Variants in NCEH1 observed in about 807,000 individuals in gnomAD.
NCEH1 encodes 2-acetyl MAGE hydrolase.
Under a neutral mutation model 25.4 loss-of-function variants are expected in NCEH1, and 9 were observed. The observed-to-expected ratio is 0.35, with a 90% CI of 0.21 to 0.62. The LOEUF is 0.62. Ranked by LOEUF, NCEH1 falls within the 20% of genes least tolerant of loss-of-function variation. The pLI is 0.72. For missense variants in NCEH1, 412 were observed against 501.1 expected, an observed-to-expected ratio of 0.82 and a Z score of 1.70; for synonymous variants, 200 against 199.8, an observed-to-expected ratio of 1.00 and a Z score of -0.01.
intron 1 of NCEH1, among the ~76,000 whole-genome samples, chr3:172,659,151 G>A (rs1717846842): frequency 6.6e-6 from 1 of 152,076 alleles, no homozygotes; most frequent in South Asian, 2.1e-4. Flanking sequence ...ATGAGTGTAG[G>A]AGTTTGGTCA....
chr3:172,686,907 G>C (rs1712731561), intron 1 of NCEH1, among the ~76,000 whole-genome samples: 1 of 152,116 alleles, frequency 6.6e-6, no homozygotes, highest in South Asian at 2.1e-4. Flanking sequence ...GGGGGAGGGA[G>C]AGCTAGGAAG....
At chr3:172,693,288 A>T (rs1713168218) in intron 1 of NCEH1, among the ~76,000 whole-genome samples, 1 of 152,186 alleles carries the variant, frequency 6.6e-6, no homozygotes, top group Admixed American at 6.5e-5. Flanking sequence ...AAAATATAAG[A>T]CTATATGTTT....
chr3:172,642,906 G>C lies in NCEH1; in HGVS notation c.437+2717C>G, dbSNP rs1716927933. 2.6e-5 allele frequency among the ~76,000 whole-genome samples: 4 copies of C among 152,042 alleles called. No homozygotes were observed. The South Asian group carries it at 8.3e-4, about 32-fold the overall frequency. ...AGGAAGACGTGATTTCTGTTTCCAG[G>C]AGTTCACATTCTTTTGTTTTTGCTT... On this transcript the variant is annotated intron_variant, in intron 3 of 4. Coordinates refer to ENST00000475381, the MANE Select transcript of NCEH1 (RefSeq NM_020792.6).
chr3:172,647,744 G>T, intron 2 of NCEH1, 142 bp downstream of exon 2: 1 of 1,140,410 alleles, frequency 8.8e-7, no homozygotes, highest in Non-Finnish European at 1.2e-6. Flanking sequence ...AATTTTGCTG[G>T]GACAACAGGG....
intron 2 of NCEH1, among the ~76,000 whole-genome samples, chr3:172,645,981 C>T (rs1295558153): frequency 6.6e-6 from 1 of 152,052 alleles, no homozygotes; most frequent in East Asian, 1.9e-4. Context: ...CAAATTAATC[C>T]TGATTTTATA....
At chr3:172,709,821 G>A (rs988883325) in intron 1 of NCEH1, among the ~76,000 whole-genome samples, 1 of 152,170 alleles carries the variant, frequency 6.6e-6, no homozygotes, top group Non-Finnish European at 1.5e-5. Flanking sequence ...CTGAAAGAAA[G>A]AGTTTATAAA....
intron 1 of NCEH1, among the ~76,000 whole-genome samples, chr3:172,651,492 GA>G (rs562905855): frequency 2.7e-4 from 41 of 150,446 alleles, no homozygotes; most frequent in African/African-American, 9.5e-4. Context: ...AGGGCTATGA[GA>G]AAAAAAAGCA....
At chr3:172,680,393 C>T (rs1712279593) in intron 1 of NCEH1, among the ~76,000 whole-genome samples, 1 of 152,132 alleles carries the variant, frequency 6.6e-6, no homozygotes, top group Non-Finnish European at 1.5e-5. Flanking sequence ...CTGTGAAGCC[C>T]CCCTCCCCCT....
intron 1 of NCEH1, among the ~76,000 whole-genome samples, chr3:172,685,092 A>G (rs2042035): frequency 0.35 from 53,301 of 151,604 alleles, 9,755 homozygotes; most frequent in African/African-American, 0.43. Flanking sequence ...CTAAGTTTGA[A>G]ACCAGCCTGG....
At chr3:172,659,294 A>C (rs1015713708) in intron 1 of NCEH1, among the ~76,000 whole-genome samples, 1 of 111,016 alleles carries the variant, frequency 9.0e-6, no homozygotes. Context: ...GGCTGAGAGC[A>C]AAAGGCAGAT....
rs528915165 is a variant in NCEH1, at chr3:172,663,927, G to C, written c.139-15813C>G. On this transcript the variant is annotated intron_variant, in intron 1 of 4. Transcript: ENST00000475381. ...TGATTTATCTGATTTGCTAGTCTGTGTCTTTTAATTGGGGCATTTAGCCCA... is the reference window on the plus strand; with the variant it reads ...TGATTTATCTGATTTGCTAGTCTGTCTCTTTTAATTGGGGCATTTAGCCCA... Among the ~76,000 whole-genome samples the C allele has an allele frequency of 2.0e-5, 3 of 152,300 alleles. No individual in the cohort carries two copies. In the South Asian group the frequency reaches 6.2e-4, roughly 32 times the overall value.
intron 1 of NCEH1, among the ~76,000 whole-genome samples, chr3:172,701,935 T>G (rs1023239726): frequency 1.3e-5 from 2 of 152,148 alleles, no homozygotes; most frequent in Non-Finnish European, 2.9e-5. Context: ...CTCTCTGACC[T>G]TTGAACTTTA....
At chr3:172,705,331 C>T (rs1419654086) in intron 1 of NCEH1, among the ~76,000 whole-genome samples, 1 of 152,150 alleles carries the variant, frequency 6.6e-6, no homozygotes, top group African/African-American at 2.4e-5. Context: ...GGCAGACACA[C>T]CTAAATGTGT....
chr3:172,681,736 C>CAAAAAAAAAAAAAAAAAAAAAA (rs768887847), intron 1 of NCEH1, among the ~76,000 whole-genome samples: 1 of 103,898 alleles, frequency 9.6e-6, no homozygotes. Context: ...GTAAAAATAC[C>CAAAAAAAAAAAAAAAAAAAAAA]AAAAAAAAAA....
Position 172,710,815 on chromosome 3 carries a change from G to A in NCEH1, c.138+32C>T, listed in dbSNP as rs371187582. On this transcript the variant is annotated intron_variant, in intron 1 of 4. Coordinates refer to ENST00000475381, the MANE Select transcript of NCEH1 (RefSeq NM_020792.6). ...CCCTTCAAATATTGCGTAAGAGGAG[G>A]AAGAGAGAAGCAGCGCTGGGCTGCA... is the stretch of plus-strand genomic sequence containing the variant. 1.1e-5 allele frequency: 18 copies of A among 1,611,248 alleles called. No homozygotes were observed. The African/African-American group carries it at 1.7e-4, about 16-fold the overall frequency.
chr3:172,640,754 G>A (rs1162718938), intron 3 of NCEH1, among the ~76,000 whole-genome samples: 2 of 152,094 alleles, frequency 1.3e-5, no homozygotes, highest in South Asian at 2.1e-4. Context: ...TGATCCGCTC[G>A]CCTCAGCCTC....
intron 2 of NCEH1, 113 bp downstream of exon 2, chr3:172,647,773 G>C: frequency 7.0e-7 from 1 of 1,435,286 alleles, no homozygotes; most frequent in Non-Finnish European, 9.5e-7. Flanking sequence ...GACCATCCAG[G>C]GGAACCTAGA....
chr3:172,639,612 G>A (rs1388737456), intron 3 of NCEH1, among the ~76,000 whole-genome samples: 4 of 152,074 alleles, frequency 2.6e-5, no homozygotes, highest in Admixed American at 6.6e-5. Flanking sequence ...CACCTGATAC[G>A]TAAATATCAA....
At chr3:172,639,255 G>A (rs1312567796) in intron 3 of NCEH1, among the ~76,000 whole-genome samples, 1 of 143,536 alleles carries the variant, frequency 7.0e-6, no homozygotes, top group African/African-American at 2.6e-5. Context: ...CCGAGATCAC[G>A]CCACTGCACT....
Sources: gnomAD v4.1 joint callset for allele counts (sites outside exome capture counted in the v4.1 genomes callset) on GRCh38, gnomAD v4.1.1 for gene constraint, MANE v1.5 for transcripts, NCBI Gene and HGNC (gene_info 2026-07-23, HGNC 2026-07-21) for gene names.